The following CCDC150 variants were observed in gnomAD, a reference collection of about 807,000 sequenced individuals.
The protein encoded by CCDC150 is coiled-coil domain containing 150.
CCDC150 carries 151 observed loss-of-function variants against 156.5 expected under a neutral mutation model. The observed-to-expected ratio is 0.97, with a 90% CI of 0.85 to 1.10. The LOEUF (loss-of-function observed/expected upper bound fraction) is 1.10, where lower values mean the gene tolerates loss of function less well. Among genes scored for constraint, CCDC150 ranks in the 50% least tolerant of loss-of-function variants. The pLI is 0.00. For synonymous variants in CCDC150, 452 were observed against 429.4 expected (o/e 1.05, Z -0.65); for missense variants, 1,312 against 1,268.1 (o/e 1.03, Z -0.53).
intron 17 of CCDC150, chr2:196,713,600 G>A: frequency 6.6e-7 from 1 of 1,521,208 alleles, no homozygotes; most frequent in African/African-American, 1.4e-5. Context: ...AACCATGGAG[G>A]GAAGACTGGA....
chr2:196,669,557 G>T, intron 7 of CCDC150, among the ~76,000 whole-genome samples: 1 of 151,916 alleles, frequency 6.6e-6, no homozygotes, highest in Admixed American at 6.5e-5. Context: ...TGCCTTTATT[G>T]TACCTTTGTT....
At chr2:196,644,960 C>CAAA (rs34647446) in intron 1 of CCDC150, among the ~76,000 whole-genome samples, 41 of 144,428 alleles carry the variant, frequency 2.8e-4, no homozygotes, top group African/African-American at 9.7e-4. Context: ...ACTAAAAATA[C>CAAA]AAAAAAAAAA....
chr2:196,712,642 G>T (rs1298326257), intron 16 of CCDC150, 35 bp from the exon 17 acceptor site: 2 of 1,554,496 alleles, frequency 1.3e-6, no homozygotes, highest in African/African-American at 2.7e-5. Flanking sequence ...TTTGGCAGTT[G>T]TGAGGAACAA....
At chr2:196,728,489 A>G (rs1413615165) in intron 22 of CCDC150, among the ~76,000 whole-genome samples, 1 of 152,184 alleles carries the variant, frequency 6.6e-6, no homozygotes, top group Non-Finnish European at 1.5e-5. Flanking sequence ...AAAGTTTTCA[A>G]GTGGCAATGG....
At chr2:196,692,601 G>C (rs1431862848) in intron 13 of CCDC150, among the ~76,000 whole-genome samples, 3 of 152,188 alleles carry the variant, frequency 2.0e-5, no homozygotes, top group Non-Finnish European at 4.4e-5. Context: ...TCATTCAGGA[G>C]CAGGTTGTTC....
chr2:196,665,464 T>G, intron 5 of CCDC150, 103 bp from the exon 6 acceptor site: 1 of 583,354 alleles, frequency 1.7e-6, no homozygotes, highest in Non-Finnish European at 3.0e-6. Context: ...TTAAGACTGT[T>G]TGGGGGTGAG....
intron 16 of CCDC150, 31 bp from the exon 17 acceptor site, chr2:196,712,646 G>T (rs748464286): frequency 2.2e-5 from 34 of 1,569,384 alleles, no homozygotes; most frequent in Non-Finnish European, 2.8e-5. Context: ...GCAGTTGTGA[G>T]GAACAAGTAT....
At chr2:196,712,043 T>C (rs1158111464) in intron 15 of CCDC150, 102 bp from the exon 16 acceptor site, 5 of 374,244 alleles carry the variant, frequency 1.3e-5, no homozygotes, top group Non-Finnish European at 2.4e-5. Context: ...TTACAACTCA[T>C]GACCCTTTTT....
chr2:196,641,113 C>G (rs1204577974), intron 1 of CCDC150, among the ~76,000 whole-genome samples: 1 of 151,842 alleles, frequency 6.6e-6, no homozygotes, highest in African/African-American at 2.4e-5. Context: ...CAGGAGCACG[C>G]CACCACGCCC....
chr2:196,684,563 A>G (rs1365753209), intron 13 of CCDC150, among the ~76,000 whole-genome samples: 2 of 152,100 alleles, frequency 1.3e-5, no homozygotes, highest in East Asian at 1.9e-4. Context: ...CGTTAGGTCT[A>G]CTTGGTTTAT....
At chr2:196,719,196 G>A (rs1697724923) in intron 18 of CCDC150, 1 of 212,396 alleles carries the variant, frequency 4.7e-6, no homozygotes, top group Non-Finnish European at 9.2e-6. Flanking sequence ...GGCCAGCCTG[G>A]CGCCACCTCT....
At chr2:196,708,419 C>G (rs2125682310) in intron 15 of CCDC150, among the ~76,000 whole-genome samples, 1 of 152,250 alleles carries the variant, frequency 6.6e-6, no homozygotes, top group Middle Eastern at 3.4e-3. Flanking sequence ...TGAGATGGGT[C>G]TCCTGAATAC....
chr2:196,716,704 A>G (rs1198118254), intron 17 of CCDC150, among the ~76,000 whole-genome samples: 2 of 152,144 alleles, frequency 1.3e-5, no homozygotes, highest in Non-Finnish European at 2.9e-5. Context: ...TCAAAGTCTT[A>G]TACGTATGTG....
intron 4 of CCDC150, among the ~76,000 whole-genome samples, chr2:196,657,643 A>G (rs1693295713): frequency 6.6e-6 from 1 of 152,210 alleles, no homozygotes; most frequent in African/African-American, 2.4e-5. Context: ...AGGGGTGAAG[A>G]CATTTCAAGG....
chr2:196,683,209 G>A (rs987739026), intron 13 of CCDC150, among the ~76,000 whole-genome samples: 1 of 151,908 alleles, frequency 6.6e-6, no homozygotes, highest in African/African-American at 2.4e-5. Context: ...TCAGTTTGTT[G>A]GGAATTTTTG....
chr2:196,694,300 C>G lies in CCDC150; in HGVS notation c.1510-746C>G, dbSNP rs545762237. ...CGAACTCTTGACCTCAGGTGATCCA[C>G]CTGCCTCAGCCTCCCAAAGACCTGG... On this transcript the variant is annotated intron_variant, in intron 13 of 27. Coordinates refer to ENST00000389175, the MANE Select transcript of CCDC150 (RefSeq NM_001080539.2). Among the ~76,000 whole-genome samples the G allele has an allele frequency of 7.9e-5, 12 of 152,278 alleles. No individual in the cohort carries two copies. In the South Asian group the frequency reaches 2.5e-3, roughly 32 times the overall value.
chr2:196,726,484 G>T, intron 22 of CCDC150: 1 of 161,012 alleles, frequency 6.2e-6, no homozygotes, highest in Admixed American at 6.1e-5. Context: ...CCATGCCCCA[G>T]TGTGTGCCAA....
chr2:196,718,330 C>T, intron 17 of CCDC150, 173 bp from the exon 18 acceptor site: 1 of 425,422 alleles, frequency 2.4e-6, no homozygotes, highest in Non-Finnish European at 4.1e-6. Context: ...TTTATTCACA[C>T]AGATATTTTT....
At chr2:196,690,221 G>A (rs1005492142) in intron 13 of CCDC150, among the ~76,000 whole-genome samples, 3 of 145,266 alleles carry the variant, frequency 2.1e-5, no homozygotes, top group Non-Finnish European at 4.5e-5. Flanking sequence ...TCTGGGGACT[G>A]TTGTGGGGAG....
Sources: gnomAD v4.1 joint callset for allele counts (sites outside exome capture counted in the v4.1 genomes callset) on GRCh38, gnomAD v4.1.1 for gene constraint, MANE v1.5 for transcripts, NCBI Gene and HGNC (gene_info 2026-07-23, HGNC 2026-07-21) for gene names.